TMEM232: variants seen among roughly 807,000 people sequenced by gnomAD.
The protein encoded by TMEM232 is transmembrane protein 232.
TMEM232 carries 80 observed loss-of-function variants against 78.8 expected under a neutral mutation model. That is an observed-to-expected ratio of 1.01 (90% confidence interval 0.85 to 1.22). The LOEUF (loss-of-function observed/expected upper bound fraction) is 1.22. Ranked by LOEUF, TMEM232 falls within the 50% of genes most tolerant of loss-of-function variation. The pLI is 0.00. For missense variants in TMEM232, 881 were observed against 742.2 expected, an observed-to-expected ratio of 1.19 and a Z score of -2.17; for synonymous variants, 297 against 254.3, an observed-to-expected ratio of 1.17 and a Z score of -1.60.
At chr5:110,655,946 A>C (rs573069786) in intron 2 of TMEM232, among the ~76,000 whole-genome samples, 1 of 149,272 alleles carries the variant, frequency 6.7e-6, no homozygotes, top group South Asian at 2.2e-4. Flanking sequence ...TAGGAGATAT[A>C]CCTAATGCTA....
intron 5 of TMEM232, among the ~76,000 whole-genome samples, chr5:110,631,623 C>T (rs1190669739): frequency 2.0e-5 from 3 of 152,174 alleles, no homozygotes; most frequent in Admixed American, 6.5e-5. Context: ...GACCACACTC[C>T]CACTGGCAGA....
intron 1 of TMEM232, among the ~76,000 whole-genome samples, chr5:110,674,503 A>C (rs1177204069): frequency 6.6e-6 from 1 of 152,216 alleles, no homozygotes; most frequent in African/African-American, 2.4e-5. Context: ...ATTATTTCTG[A>C]ATATGTATGT....
intron 12 of TMEM232, among the ~76,000 whole-genome samples, chr5:110,496,105 T>C (rs543746600): frequency 9.9e-4 from 151 of 152,024 alleles, no homozygotes; most frequent in African/African-American, 3.5e-3. Flanking sequence ...ACTCACAAAT[T>C]ATTGAAAATG....
rs530802869 is a variant in TMEM232, at chr5:110,490,907, T to C, written c.1703+37681A>G. Among the ~76,000 whole-genome samples the C allele has an allele frequency of 2.6e-5, 4 of 152,168 alleles. No individual in the cohort carries two copies. The South Asian group carries it at 8.3e-4, about 31-fold the overall frequency. On this transcript the variant is annotated intron_variant, in intron 12 of 13. Transcript: ENST00000455884. ...TCAGAAGAAAAATAGGCGTAAACCT[T>C]TGTTACCTTGGATTAGGCAATAGTT...
At chr5:110,697,561 C>T (rs1794944207) in intron 1 of TMEM232, among the ~76,000 whole-genome samples, 1 of 151,842 alleles carries the variant, frequency 6.6e-6, no homozygotes, top group African/African-American at 2.4e-5. Context: ...TGACAAAGGG[C>T]TAATATCCAG....
chr5:110,659,689 T>C (rs182607323), intron 2 of TMEM232, among the ~76,000 whole-genome samples: 1 of 152,148 alleles, frequency 6.6e-6, no homozygotes, highest in African/African-American at 2.4e-5. Flanking sequence ...TCCCACCACA[T>C]GCTTAAAAAG....
At chr5:110,388,391 C>T (rs1755059081) in intron 4 of TMEM232, among the ~76,000 whole-genome samples, 1 of 152,152 alleles carries the variant, frequency 6.6e-6, no homozygotes, top group African/African-American at 2.4e-5. Flanking sequence ...TTCCTATCGG[C>T]ACAACTGCTG....
At chr5:110,531,192 C>A (rs1242670417) in intron 11 of TMEM232, among the ~76,000 whole-genome samples, 1 of 152,104 alleles carries the variant, frequency 6.6e-6, no homozygotes, top group Non-Finnish European at 1.5e-5. Flanking sequence ...CTTTACCTAC[C>A]CAAATCCTAT....
At chr5:110,505,829 C>G (rs1017317819) in intron 12 of TMEM232, among the ~76,000 whole-genome samples, 2 of 152,090 alleles carry the variant, frequency 1.3e-5, no homozygotes, top group African/African-American at 4.8e-5. Flanking sequence ...CATTCCTATA[C>G]TCACATAATT....
At chr5:110,713,003 A>T (rs1438601717) in intron 1 of TMEM232, among the ~76,000 whole-genome samples, 1 of 152,240 alleles carries the variant, frequency 6.6e-6, no homozygotes, top group African/African-American at 2.4e-5. Flanking sequence ...ATTTGGAAGC[A>T]ACCTAAGCGT....
chr5:110,464,608 C>T (rs1241159513), intron 12 of TMEM232, among the ~76,000 whole-genome samples: 3 of 152,126 alleles, frequency 2.0e-5, no homozygotes, highest in Non-Finnish European at 2.9e-5. Flanking sequence ...AAGAATCAGT[C>T]AGAGAATTTT....
chr5:110,618,517 A>G lies in TMEM232; in HGVS notation c.814T>C (p.Trp272Arg), dbSNP rs754925619. The G allele has an allele frequency of 1.3e-6, 2 of 1,551,718 alleles. No homozygotes were observed. Among genetic ancestry groups the G allele is most frequent in the Non-Finnish European group, 1.7e-6 (2 of 1,146,876 alleles). ...NHLLWHCVAA[W>R]SCVQNNSPQL... ...GGACTGTTATTCTGAACACAAGACCAAGCAGCAACACAGTGCCAGAGCAGG... is the reference window on the plus strand; with the variant it reads ...GGACTGTTATTCTGAACACAAGACCGAGCAGCAACACAGTGCCAGAGCAGG... The change falls in exon 8 of 14, where the codon TGG (tryptophan) becomes CGG (arginine). Residue 272 changes from tryptophan (W) to arginine (R), a missense_variant. Trp to Arg is a moderately radical substitution (Grantham distance 101, BLOSUM62 -3). Coordinates refer to ENST00000455884, the MANE Select transcript of TMEM232 (RefSeq NM_001039763.4).
At chr5:110,679,273 A>ATATAGAGTAT (rs1792413915) in intron 1 of TMEM232, among the ~76,000 whole-genome samples, 1 of 152,128 alleles carries the variant, frequency 6.6e-6, no homozygotes, top group African/African-American at 2.4e-5. Context: ...TTCTCTGATG[A>ATATAGAGTAT]CTTATGATAT....
chr5:110,618,289 C>T (rs1260551211), intron 8 of TMEM232, 140 bp downstream of exon 8: 5 of 1,026,800 alleles, frequency 4.9e-6, no homozygotes, highest in Non-Finnish European at 7.0e-6. Context: ...ATGTAAATTG[C>T]CATTGCCTTT....
At chr5:110,442,069 AGTTT>A (rs1308578538) in intron 12 of TMEM232, among the ~76,000 whole-genome samples, 3 of 151,886 alleles carry the variant, frequency 2.0e-5, no homozygotes, top group South Asian at 2.1e-4. Flanking sequence ...GACCTTCAGG[AGTTT>A]GTTTATTAAA....
intron 12 of TMEM232, among the ~76,000 whole-genome samples, chr5:110,502,470 A>G (rs1404976366): frequency 6.6e-6 from 1 of 152,190 alleles, no homozygotes; most frequent in Admixed American, 6.6e-5. Flanking sequence ...AGGGGAAATA[A>G]AAGGAATAAA....
intron 7 of TMEM232, among the ~76,000 whole-genome samples, 156 bp from the exon 8 acceptor site, chr5:110,618,718 A>G (rs1783252224): frequency 6.6e-6 from 1 of 152,232 alleles, no homozygotes; most frequent in East Asian, 1.9e-4. Flanking sequence ...AATTTACATA[A>G]GCATATTTTT....
At chr5:110,490,103 G>C (rs574931259) in intron 12 of TMEM232, among the ~76,000 whole-genome samples, 1 of 147,978 alleles carries the variant, frequency 6.8e-6, no homozygotes, top group Non-Finnish European at 1.5e-5. Context: ...CAGCCTGACT[G>C]AGTGAAACTC....
At chr5:110,736,020 T>C (rs1799123053) in intron 1 of TMEM232, among the ~76,000 whole-genome samples, 1 of 152,196 alleles carries the variant, frequency 6.6e-6, no homozygotes, top group Non-Finnish European at 1.5e-5. Context: ...TATGAGATAT[T>C]AAATGTTGTT....
Sources: gnomAD v4.1 joint callset for allele counts (sites outside exome capture counted in the v4.1 genomes callset) on GRCh38, gnomAD v4.1.1 for gene constraint, MANE v1.5 for transcripts, NCBI Gene and HGNC (gene_info 2026-07-23, HGNC 2026-07-21) for gene names.